Variants in SLIT1 observed in about 807,000 individuals in gnomAD.
SLIT1 encodes slit homolog 1 protein.
In SLIT1, 66 loss-of-function variants were observed where a neutral mutation model predicts 186.1. The ratio of observed to expected loss-of-function variants is 0.35; its 90% CI spans 0.29 to 0.44. The LOEUF is 0.44. Among genes scored for constraint, SLIT1 ranks in the 20% least tolerant of loss-of-function variants. SLIT1 has a pLI of 1.00. For missense variants in SLIT1, 1,638 were observed against 2,037.4 expected (o/e 0.80, Z 3.77); for synonymous variants, 761 against 833.8 (o/e 0.91, Z 1.50).
At chr10:97,015,030 C>G (rs749997789) in intron 28 of SLIT1, among the ~76,000 whole-genome samples, 1 of 152,182 alleles carries the variant, frequency 6.6e-6, no homozygotes, top group Non-Finnish European at 1.5e-5. Context: ...ACTTTCAAAC[C>G]AAGATACACC....
At chr10:97,008,202 A>T (rs867347222) in intron 31 of SLIT1, among the ~76,000 whole-genome samples, 18 of 152,382 alleles carry the variant, frequency 1.2e-4, no homozygotes, top group African/African-American at 3.6e-4. Flanking sequence ...AGATTAATGC[A>T]CAAAAATCAA....
intron 4 of SLIT1, among the ~76,000 whole-genome samples, chr10:97,131,134 C>G (rs1228708317): frequency 6.6e-6 from 1 of 152,188 alleles, no homozygotes; most frequent in Non-Finnish European, 1.5e-5. Context: ...TCCCGCCCTT[C>G]CCTGTCAGTC....
intron 4 of SLIT1, among the ~76,000 whole-genome samples, chr10:97,074,638 T>C (rs113984744): frequency 0.024 from 3,664 of 152,108 alleles, 131 homozygotes; most frequent in African/African-American, 0.076. Flanking sequence ...TGAACCCCAT[T>C]GCCAAGATCA....
chr10:97,011,288 C>G (rs1228081302), intron 30 of SLIT1, among the ~76,000 whole-genome samples, 158 bp from the exon 31 acceptor site: 2 of 152,082 alleles, frequency 1.3e-5, no homozygotes, highest in East Asian at 3.9e-4. Flanking sequence ...ACACAGAGCT[C>G]TGGATCTAAA....
At chr10:97,013,591 C>G in intron 30 of SLIT1, 150 bp downstream of exon 30, 1 of 646,182 alleles carries the variant, frequency 1.5e-6, no homozygotes, top group Non-Finnish European at 2.7e-6. Flanking sequence ...CACCCACAAC[C>G]CCGCATGGAT....
chr10:97,030,772 G>T lies in SLIT1; in HGVS notation c.2567C>A (p.Thr856Asn). ...TLQEGIFADV[T>N]SLSHLAIGAN... ...GGGTACTCACAGGTGAGACAGGGAGGTCACGTCTGCAAAGATGCCCTCTTG... is the reference window on the plus strand; with the variant it reads ...GGGTACTCACAGGTGAGACAGGGAGTTCACGTCTGCAAAGATGCCCTCTTG... The change falls in exon 25 of 37, where the codon ACC becomes AAC. Residue 856 changes from threonine (T) to asparagine (N), a missense_variant. Thr to Asn is a moderately conservative substitution (Grantham distance 65). Around this residue, in one of 3 missense-constraint regions of SLIT1, gnomAD observed 1,245 missense variants for 1,535.3 expected, o/e 0.81. Coordinates refer to ENST00000266058, the MANE Select transcript of SLIT1 (RefSeq NM_003061.3). 6.2e-7 allele frequency: 1 copy of T among 1,613,856 alleles called. No homozygotes were observed. The highest frequency in any genetic ancestry group is 8.5e-7 in the Non-Finnish European group (1 of 1,179,824).
At chr10:97,141,015 G>A (rs184574660) in intron 4 of SLIT1, among the ~76,000 whole-genome samples, 5 of 152,230 alleles carry the variant, frequency 3.3e-5, no homozygotes, top group South Asian at 2.1e-4. Context: ...TTAACCATCC[G>A]AAACACCGCT....
chr10:97,132,034 A>G (rs1001665293), intron 4 of SLIT1, among the ~76,000 whole-genome samples: 16 of 152,110 alleles, frequency 1.1e-4, no homozygotes, highest in African/African-American at 1.9e-4. Flanking sequence ...CCATCCCCCA[A>G]ATGTTTAAAG....
At chr10:97,155,381 C>T (rs1370045461) in intron 4 of SLIT1, 1 of 152,294 alleles carries the variant, frequency 6.6e-6, no homozygotes, top group Non-Finnish European at 1.5e-5. Flanking sequence ...CAGGTGTGTG[C>T]AAGGCACCAA....
At position 97,037,685 on chromosome 10, in the gene SLIT1, C is replaced by A; in HGVS notation, c.2366+13G>T. 6.2e-7 allele frequency: 1 copy of A among 1,606,034 alleles called. No individual in the cohort carries two copies. The highest frequency in any genetic ancestry group is 8.5e-7 in the Non-Finnish European group (1 of 1,173,150). Reference sequence around the variant, plus strand: ...CAAAGGCCCTCCTGTCCTCAAGCGGCCTGGATACTTACACGAGCTGCAGGT... The same window carrying A: ...CAAAGGCCCTCCTGTCCTCAAGCGGACTGGATACTTACACGAGCTGCAGGT... On this transcript the variant is annotated intron_variant, in intron 22 of 36. Coordinates refer to ENST00000266058, the MANE Select transcript of SLIT1 (RefSeq NM_003061.3).
At chr10:97,142,394 G>C (rs1849775388) in intron 4 of SLIT1, among the ~76,000 whole-genome samples, 1 of 152,216 alleles carries the variant, frequency 6.6e-6, no homozygotes, top group Non-Finnish European at 1.5e-5. Flanking sequence ...TTCAACAAAT[G>C]ATGCTGGGAA....
intron 27 of SLIT1, 137 bp from the exon 28 acceptor site, chr10:97,018,820 C>A: frequency 1.8e-6 from 1 of 559,174 alleles, no homozygotes; most frequent in Non-Finnish European, 3.1e-6. Flanking sequence ...TCGTCCACTT[C>A]ATTCATTCAT....
chr10:97,014,048 T>A lies in SLIT1; in HGVS notation c.3080A>T (p.Tyr1027Phe). Residue 1027 changes from tyrosine to phenylalanine, a missense_variant, in exon 29 of 37, where the codon TAC becomes TTC. By Grantham distance (22) the Tyr-to-Phe change is conservative (BLOSUM62 3). Around this residue, in one of 3 missense-constraint regions of SLIT1, gnomAD observed 1,245 missense variants for 1,535.3 expected, o/e 0.81. Transcript: ENST00000266058. Reference protein sequence around the residue: ...GGVCVDGVGNYTCQCPLQYEG... With the variant: ...GGVCVDGVGNFTCQCPLQYEG... The stretch of plus-strand genomic sequence containing the variant: ...ATACTGCAGGGGGCACTGGCAGGTG[T>A]AGTTGCCCACACCATCCACACAGAC... 2 of 1,613,310 alleles carry A rather than the reference T, an allele frequency of 1.2e-6. No individual in the cohort carries two copies. The highest frequency in any genetic ancestry group is 1.7e-6 in the Non-Finnish European group (2 of 1,179,904).
chr10:97,005,335 C>G (rs187653262), intron 32 of SLIT1, among the ~76,000 whole-genome samples: 2 of 152,238 alleles, frequency 1.3e-5, no homozygotes, highest in Non-Finnish European at 2.9e-5. Context: ...AAAGTGAGAT[C>G]TTTGCCTCAG....
chr10:97,062,511 T>C (rs1169772537), intron 8 of SLIT1, among the ~76,000 whole-genome samples: 1 of 152,256 alleles, frequency 6.6e-6, no homozygotes, highest in East Asian at 1.9e-4. Context: ...GACAAAGTGC[T>C]GAGGATGCAC....
In SLIT1 at chr10:97,185,585, ACCCAGGCGCCACGCGGCTG is replaced by A; in HGVS notation, c.71_89del (p.Ala24ValfsTer63). The A allele has an allele frequency of 1.2e-6, 2 of 1,601,664 alleles. No individual in the cohort carries two copies. The highest frequency in any genetic ancestry group is 1.7e-6 in the Non-Finnish European group (2 of 1,175,436). Reference sequence around the variant, plus strand: ...TGCAGAGGGCGGGGCACGCCGAGGCACCCAGGCGCCACGCGGCTGCCCACAGCAGCAGCCAGAGCTCCGG... The same window carrying A: ...TGCAGAGGGCGGGGCACGCCGAGGCACCCACAGCAGCAGCCAGAGCTCCGG... On this transcript the variant is annotated frameshift_variant, in exon 1 of 37. Transcript: ENST00000266058. LOFTEE classifies it high-confidence loss of function.
chr10:97,042,801 A>AG (rs1848701141), intron 20 of SLIT1, 100 bp downstream of exon 20: 2 of 1,298,938 alleles, frequency 1.5e-6, no homozygotes, highest in East Asian at 2.4e-5. Context: ...GGGGCATGCC[A>AG]GGGGGTGCTG....
chr10:97,063,316 G>T, intron 8 of SLIT1, 139 bp downstream of exon 8: 1 of 866,402 alleles, frequency 1.2e-6, no homozygotes, highest in Non-Finnish European at 1.9e-6. Flanking sequence ...GGGTCAGGAG[G>T]TGATGGGTGG....
intron 4 of SLIT1, among the ~76,000 whole-genome samples, chr10:97,127,569 A>G (rs1255234546): frequency 1.3e-5 from 2 of 152,198 alleles, no homozygotes; most frequent in African/African-American, 4.8e-5. Context: ...CCTCATCAGG[A>G]ACCACGTCCT....
Sources: allele counts gnomAD v4.1 joint callset (sites outside exome capture counted in the v4.1 genomes callset), GRCh38; gene constraint gnomAD v4.1.1; regional missense constraint gnomAD v4.1.1; transcripts MANE v1.5; gene names NCBI Gene and HGNC (gene_info 2026-07-23, HGNC 2026-07-21).